The following ZMIZ1 variants were observed in gnomAD, a reference collection of about 807,000 sequenced individuals.
ZMIZ1 encodes zinc finger MIZ-type containing 1, also known as zinc finger MIZ domain-containing protein 1.
ZMIZ1 carries 17 observed loss-of-function variants against 113.9 expected under a neutral mutation model. That is an observed-to-expected ratio of 0.15 (90% CI 0.10 to 0.22). The LOEUF is 0.22. Among genes scored for constraint, ZMIZ1 ranks in the 10% least tolerant of loss-of-function variants. The pLI, the probability that ZMIZ1 is intolerant of heterozygous loss-of-function variation, is 1.00. For synonymous variants in ZMIZ1, 607 were observed against 603.1 expected (o/e 1.01, Z -0.09); for missense variants, 1,059 against 1,477.8 (o/e 0.72, Z 4.65).
At chr10:79,204,998 T>C (rs1038825448) in intron 5 of ZMIZ1, among the ~76,000 whole-genome samples, 1 of 149,850 alleles carries the variant, frequency 6.7e-6, no homozygotes, top group African/African-American at 2.4e-5. Context: ...GATGGATGGA[T>C]ACACGCATAG....
At chr10:79,303,606 GCT>G (rs1854482571) in intron 18 of ZMIZ1, among the ~76,000 whole-genome samples, 1 of 152,176 alleles carries the variant, frequency 6.6e-6, no homozygotes, top group Admixed American at 6.5e-5. Context: ...CCAGCAGGCA[GCT>G]GTCCGTTTCC....
intron 7 of ZMIZ1, among the ~76,000 whole-genome samples, chr10:79,219,662 A>G (rs1376928571): frequency 6.6e-6 from 1 of 152,164 alleles, no homozygotes; most frequent in Non-Finnish European, 1.5e-5. Flanking sequence ...CTGCTTGAAC[A>G]CAGCCTTTGT....
chr10:79,271,096 G>C (rs564857770), intron 7 of ZMIZ1, among the ~76,000 whole-genome samples: 1 of 152,308 alleles, frequency 6.6e-6, no homozygotes, highest in East Asian at 1.9e-4. Context: ...GAAGGAGGCA[G>C]GGGGAAGGGG....
intron 5 of ZMIZ1, among the ~76,000 whole-genome samples, chr10:79,203,525 AG>A (rs1848186303): frequency 6.6e-6 from 1 of 152,038 alleles, no homozygotes; most frequent in Admixed American, 6.5e-5. Context: ...CTCAGCTGGC[AG>A]GGGCCCCGCC....
intron 6 of ZMIZ1, among the ~76,000 whole-genome samples, chr10:79,213,603 A>T (rs1848606880): frequency 1.3e-5 from 2 of 152,202 alleles, no homozygotes; most frequent in African/African-American, 4.8e-5. Context: ...CTTTTTAACT[A>T]GAGCAACAGG....
chr10:79,257,744 C>T (rs371274357), intron 7 of ZMIZ1, among the ~76,000 whole-genome samples: 14 of 152,240 alleles, frequency 9.2e-5, no homozygotes, highest in African/African-American at 2.9e-4. Flanking sequence ...AGTGGAAAGA[C>T]GGGGTTCCAA....
chr10:79,235,746 C>T (rs926646091), intron 7 of ZMIZ1, among the ~76,000 whole-genome samples: 1 of 152,242 alleles, frequency 6.6e-6, no homozygotes, highest in African/African-American at 2.4e-5. Context: ...CAGAATCCCA[C>T]ACTGTGCTGG....
chr10:79,273,940 T>C (rs1458231292), intron 7 of ZMIZ1, among the ~76,000 whole-genome samples: 1 of 152,266 alleles, frequency 6.6e-6, no homozygotes, highest in Non-Finnish European at 1.5e-5. Flanking sequence ...CAGTCACATG[T>C]ACTGGCCAAG....
At chr10:79,233,438 C>T (rs536768560) in intron 7 of ZMIZ1, among the ~76,000 whole-genome samples, 158 of 152,344 alleles carry the variant, frequency 1.0e-3, no homozygotes, top group African/African-American at 3.8e-3. Flanking sequence ...CTGGCTGTGT[C>T]CTCACATGGG....
intron 1 of ZMIZ1, among the ~76,000 whole-genome samples, chr10:79,084,913 G>T (rs1054044020): frequency 1.1e-4 from 16 of 152,108 alleles, no homozygotes; most frequent in Non-Finnish European, 2.2e-4. Context: ...GGTTGGTAGG[G>T]ATAATCCAGG....
chr10:79,131,845 G>GTCAGGA (rs1554854609), intron 2 of ZMIZ1, among the ~76,000 whole-genome samples: 1 of 151,538 alleles, frequency 6.6e-6, no homozygotes, highest in Non-Finnish European at 1.5e-5. Flanking sequence ...TTTGGCCAAA[G>GTCAGGA]GCACAACTTA....
chr10:79,192,923 C>T (rs1209670680), intron 4 of ZMIZ1, among the ~76,000 whole-genome samples: 1 of 152,194 alleles, frequency 6.6e-6, no homozygotes, highest in Admixed American at 6.5e-5. Flanking sequence ...GCTGCCTCTT[C>T]CATCCCTCTC....
At chr10:79,159,232 G>A (rs1177508641) in intron 3 of ZMIZ1, among the ~76,000 whole-genome samples, 4 of 152,196 alleles carry the variant, frequency 2.6e-5, no homozygotes, top group African/African-American at 9.7e-5. Context: ...ACCAGGCTGG[G>A]AGCAAACGGG....
Position 79,246,349 on chromosome 10 carries a change from G to T in ZMIZ1, c.280+30075G>T, listed in dbSNP as rs368602869. Among the ~76,000 whole-genome samples, 20 of 152,336 alleles carry T rather than the reference G, an allele frequency of 1.3e-4. No homozygotes were observed. The East Asian group carries it at 3.1e-3, about 24-fold the overall frequency. Reference sequence around the variant, plus strand: ...AGTCATCCATTGATCGGGCGGGAGCGCCAGCTCAGCCTCGGGTCCTCAGGA... The same window carrying T: ...AGTCATCCATTGATCGGGCGGGAGCTCCAGCTCAGCCTCGGGTCCTCAGGA... On this transcript the variant is annotated intron_variant, in intron 7 of 24. Coordinates refer to ENST00000334512, the MANE Select transcript of ZMIZ1 (RefSeq NM_020338.4).
intron 2 of ZMIZ1, among the ~76,000 whole-genome samples, chr10:79,132,595 C>G (rs1176345372): frequency 6.6e-6 from 1 of 152,228 alleles, no homozygotes; most frequent in African/African-American, 2.4e-5. Flanking sequence ...CTGCCTCTCC[C>G]CTATTCTAAT....
At chr10:79,212,067 C>T (rs1365530782) in intron 6 of ZMIZ1, among the ~76,000 whole-genome samples, 2 of 152,280 alleles carry the variant, frequency 1.3e-5, no homozygotes, top group East Asian at 1.9e-4. Flanking sequence ...GCAGGCTGGA[C>T]GCTTTTCAAG....
At chr10:79,168,407 G>A (rs142419734) in intron 4 of ZMIZ1, among the ~76,000 whole-genome samples, 6 of 152,050 alleles carry the variant, frequency 3.9e-5, no homozygotes, top group Non-Finnish European at 8.8e-5. Context: ...TTTTGTCTCT[G>A]TTCCTCCAAG....
At chr10:79,262,318 G>A (rs1372813477) in intron 7 of ZMIZ1, among the ~76,000 whole-genome samples, 3 of 152,228 alleles carry the variant, frequency 2.0e-5, no homozygotes, top group Admixed American at 6.5e-5. Flanking sequence ...CACTGGGGGT[G>A]GAGCCCAACA....
In ZMIZ1 at chr10:79,191,984, A is replaced by G. The variant is rs115900576; in HGVS notation, c.-49-9600A>G. On this transcript the variant is annotated intron_variant, in intron 4 of 24. Coordinates refer to ENST00000334512, the MANE Select transcript of ZMIZ1 (RefSeq NM_020338.4). ...CAGTACCTCTTTCCACTCTGAGGAAACAAAGTGTAGGGGTGTGGCCTCCTT... is the reference window on the plus strand; with the variant it reads ...CAGTACCTCTTTCCACTCTGAGGAAGCAAAGTGTAGGGGTGTGGCCTCCTT... 7.5e-3 allele frequency among the ~76,000 whole-genome samples: 1,150 copies of G among 152,338 alleles called. 11 individuals are homozygous for G. The highest frequency in any genetic ancestry group is 0.026 in the African/African-American group (1,079 of 41,580).
Sources: gnomAD v4.1 joint callset for allele counts (sites outside exome capture counted in the v4.1 genomes callset) on GRCh38, gnomAD v4.1.1 for gene constraint, MANE v1.5 for transcripts, NCBI Gene and HGNC (gene_info 2026-07-23, HGNC 2026-07-21) for gene names.